Variants in ARHGAP10 observed in about 807,000 individuals in gnomAD.
The protein encoded by ARHGAP10 is Rho GTPase activating protein 10.
Under a neutral mutation model 108.6 loss-of-function variants are expected in ARHGAP10, and 87 were observed. The ratio of observed to expected loss-of-function variants is 0.80; its 90% CI spans 0.67 to 0.96. The LOEUF is 0.96. Among genes scored for constraint, ARHGAP10 ranks in the 40% least tolerant of loss-of-function variants. The pLI is 0.00. For missense variants in ARHGAP10, 939 were observed against 954.5 expected (o/e 0.98, Z 0.21); for synonymous variants, 347 against 341.1 (o/e 1.02, Z -0.19).
intron 1 of ARHGAP10, among the ~76,000 whole-genome samples, chr4:147,794,908 AC>A (rs1445925925): frequency 2.0e-5 from 3 of 152,242 alleles, no homozygotes; most frequent in African/African-American, 7.2e-5. Flanking sequence ...GTGGTTTCCA[AC>A]ATGTTATCAC....
At chr4:147,908,260 G>A (rs1041522095) in intron 11 of ARHGAP10, among the ~76,000 whole-genome samples, 4 of 152,176 alleles carry the variant, frequency 2.6e-5, no homozygotes, top group African/African-American at 9.7e-5. Context: ...CTTTAGTAAA[G>A]ACAGCACACT....
chr4:147,918,184 G>A, intron 13 of ARHGAP10, among the ~76,000 whole-genome samples: 1 of 138,768 alleles, frequency 7.2e-6, no homozygotes, highest in East Asian at 2.2e-4. Context: ...GGCCTAGGCT[G>A]GAGTGCAGTG....
chr4:148,058,103 A>AT (rs2149686875), intron 20 of ARHGAP10, among the ~76,000 whole-genome samples: 1 of 151,726 alleles, frequency 6.6e-6, no homozygotes, highest in East Asian at 1.9e-4. Flanking sequence ...TTGAACAGAG[A>AT]TTTTCCCATA....
At chr4:147,925,826 C>T (rs1474082994) in intron 13 of ARHGAP10, among the ~76,000 whole-genome samples, 2 of 152,178 alleles carry the variant, frequency 1.3e-5, no homozygotes, top group Non-Finnish European at 2.9e-5. Context: ...ATTCCCTGAG[C>T]CCTGATTCCT....
intron 1 of ARHGAP10, among the ~76,000 whole-genome samples, chr4:147,772,152 C>T (rs1268047045): frequency 6.6e-6 from 1 of 152,218 alleles, no homozygotes; most frequent in African/African-American, 2.4e-5. Context: ...TCTACTTCTG[C>T]TCTCTGCGCA....
intron 18 of ARHGAP10, among the ~76,000 whole-genome samples, chr4:148,005,054 A>G (rs111687347): frequency 0.019 from 2,895 of 152,292 alleles, 107 homozygotes; most frequent in African/African-American, 0.066. Flanking sequence ...ATCTCATGCC[A>G]CTTGCTGATC....
rs146749474 is a variant in ARHGAP10 at position 147,800,774 on chromosome 4, G to A, written c.155-21953G>A. ...TAGTAGGGAGGAGCAGAGAGACATA[G>A]TTTTCTATGCTGTCTTGTGCCTTGT... On this transcript the variant is annotated intron_variant, in intron 1 of 22. Coordinates refer to ENST00000336498, the MANE Select transcript of ARHGAP10 (RefSeq NM_024605.4). 2.5e-3 allele frequency among the ~76,000 whole-genome samples: 387 copies of A among 152,266 alleles called. 3 individuals carry two copies. Among genetic ancestry groups the A allele is most frequent in the African/African-American group, 8.9e-3 (369 of 41,558 alleles).
intron 4 of ARHGAP10, among the ~76,000 whole-genome samples, chr4:147,853,793 TAGA>T (rs1312450657): frequency 1.3e-5 from 2 of 152,168 alleles, no homozygotes; most frequent in Non-Finnish European, 2.9e-5. Context: ...CTTTTTTGCT[TAGA>T]AGATCCTTCT....
At chr4:147,924,069 TGTG>T (rs1226522217) in intron 13 of ARHGAP10, among the ~76,000 whole-genome samples, 14 of 152,222 alleles carry the variant, frequency 9.2e-5, no homozygotes, top group East Asian at 5.8e-4. Context: ...TGAAGAGTCT[TGTG>T]GTGTCTGCAG....
rs573975628 is a variant in ARHGAP10 at position 147,941,378 on chromosome 4, C to T, written c.1303+1479C>T. On this transcript the variant is annotated intron_variant, in intron 14 of 22. Transcript: ENST00000336498. ...ACGTGTACAGCATTGCTAAACTCAG[C>T]GTGGTAGTTTGCTCTGCTCATGGGA... Among the ~76,000 whole-genome samples the T allele has an allele frequency of 5.9e-5, 9 of 152,262 alleles. No individual in the cohort carries two copies. The East Asian group carries it at 1.2e-3, about 20-fold the overall frequency.
At chr4:147,755,500 G>C (rs1337349546) in intron 1 of ARHGAP10, among the ~76,000 whole-genome samples, 1 of 152,108 alleles carries the variant, frequency 6.6e-6, no homozygotes, top group Non-Finnish European at 1.5e-5. Context: ...TCCAGCCTGG[G>C]CAACAAGAGT....
chr4:147,990,054 A>T (rs114411511), intron 18 of ARHGAP10, among the ~76,000 whole-genome samples: 9 of 152,198 alleles, frequency 5.9e-5, no homozygotes, highest in Non-Finnish European at 8.8e-5. Context: ...ACTTCCCGCA[A>T]CACTCCTGAT....
At chr4:148,055,061 T>A (rs954559003) in intron 20 of ARHGAP10, among the ~76,000 whole-genome samples, 2 of 152,212 alleles carry the variant, frequency 1.3e-5, no homozygotes, top group Non-Finnish European at 1.5e-5. Context: ...AGTTCAGCCC[T>A]CTTACCTGAT....
In ARHGAP10 at chr4:147,937,754, C is replaced by T. The variant is rs180795742; in HGVS notation, c.1229-2071C>T. On this transcript the variant is annotated intron_variant, in intron 13 of 22. Coordinates refer to ENST00000336498, the MANE Select transcript of ARHGAP10 (RefSeq NM_024605.4). Reference sequence around the variant, plus strand: ...CAGCACTTTGGGAGGCGGAGGCAGGCGGATCACCTGAGGTCAGAAGTTCAA... The same window carrying T: ...CAGCACTTTGGGAGGCGGAGGCAGGTGGATCACCTGAGGTCAGAAGTTCAA... Among the ~76,000 whole-genome samples, 44 of 152,182 alleles carry T rather than the reference C, an allele frequency of 2.9e-4. 1 individual carries two copies. The highest frequency in any genetic ancestry group is 8.5e-4 in the Admixed American group (13 of 15,292).
At chr4:147,812,024 C>T (rs1732041853) in intron 1 of ARHGAP10, among the ~76,000 whole-genome samples, 1 of 152,110 alleles carries the variant, frequency 6.6e-6, no homozygotes, top group African/African-American at 2.4e-5. Flanking sequence ...GGCCCTAAAC[C>T]CCTCAGGTGG....
At chr4:147,804,740 T>C (rs1260425292) in intron 1 of ARHGAP10, among the ~76,000 whole-genome samples, 1 of 152,250 alleles carries the variant, frequency 6.6e-6, no homozygotes, top group African/African-American at 2.4e-5. Flanking sequence ...TTATGAGTGG[T>C]GCTGAGCTTT....
At chr4:147,759,003 T>A in intron 1 of ARHGAP10, among the ~76,000 whole-genome samples, 1 of 138,658 alleles carries the variant, frequency 7.2e-6, no homozygotes, top group Non-Finnish European at 1.6e-5. Flanking sequence ...CGAAAACAGG[T>A]GGTATATTTT....
intron 1 of ARHGAP10, among the ~76,000 whole-genome samples, chr4:147,812,074 G>A (rs1468495591): frequency 6.6e-6 from 1 of 152,138 alleles, no homozygotes; most frequent in Non-Finnish European, 1.5e-5. Flanking sequence ...TTCTCTCGAG[G>A]CAACCTCCTG....
intron 1 of ARHGAP10, among the ~76,000 whole-genome samples, chr4:147,804,058 G>A (rs930061948): frequency 1.3e-5 from 2 of 148,348 alleles, no homozygotes; most frequent in Non-Finnish European, 3.0e-5. Flanking sequence ...TAGGTAAACT[G>A]TGTGTCACGG....
Sources: allele counts gnomAD v4.1 joint callset (sites outside exome capture counted in the v4.1 genomes callset), GRCh38; gene constraint gnomAD v4.1.1; transcripts MANE v1.5; gene names NCBI Gene and HGNC (gene_info 2026-07-23, HGNC 2026-07-21).